HERPUD2: variants seen among roughly 807,000 people sequenced by gnomAD.
HERPUD2 encodes homocysteine-responsive endoplasmic reticulum-resident ubiquitin-like domain member 2 protein.
Under a neutral mutation model 49.9 loss-of-function variants are expected in HERPUD2, and 13 were observed. The ratio of observed to expected loss-of-function variants is 0.26; its 90% CI spans 0.17 to 0.41. The LOEUF is 0.41. Among genes scored for constraint, HERPUD2 ranks in the 10% least tolerant of loss-of-function variants. The probability of loss-of-function intolerance (pLI) is 1.00; values close to 1 mark genes in which losing one functional copy is unlikely to be tolerated. For missense variants in HERPUD2, 449 were observed against 492.2 expected, an observed-to-expected ratio of 0.91 and a Z score of 0.83; for synonymous variants, 172 against 171.4, an observed-to-expected ratio of 1.00 and a Z score of -0.03.
At chr7:35,638,801 T>C (rs573947719) in intron 5 of HERPUD2, among the ~76,000 whole-genome samples, 1 of 152,144 alleles carries the variant, frequency 6.6e-6, no homozygotes, top group South Asian at 2.1e-4. Context: ...TTTAAGTACA[T>C]TTTCCTTAAG....
intron 3 of HERPUD2, among the ~76,000 whole-genome samples, chr7:35,671,899 A>C (rs1197870064): frequency 6.6e-6 from 1 of 152,004 alleles, no homozygotes; most frequent in East Asian, 1.9e-4. Flanking sequence ...GATGGCAGAA[A>C]GGACTATACC....
chr7:35,676,859 G>T (rs1785771252), intron 2 of HERPUD2, among the ~76,000 whole-genome samples: 2 of 152,044 alleles, frequency 1.3e-5, no homozygotes. Flanking sequence ...ACAATAACAA[G>T]ATTGTTACTA....
At chr7:35,655,363 G>A (rs1043893549) in intron 5 of HERPUD2, among the ~76,000 whole-genome samples, 2 of 152,280 alleles carry the variant, frequency 1.3e-5, no homozygotes, top group South Asian at 2.1e-4. Context: ...ACATCAAAAA[G>A]AGAATACATC....
chr7:35,643,566 A>AT (rs1483937929), intron 5 of HERPUD2, among the ~76,000 whole-genome samples: 3 of 152,236 alleles, frequency 2.0e-5, no homozygotes, highest in African/African-American at 7.2e-5. Context: ...TAACATTTGT[A>AT]TAAGAATGAG....
rs181840815 is a variant in HERPUD2, at chr7:35,663,885, C to T, written c.494+3549G>A. On this transcript the variant is annotated intron_variant, in intron 5 of 8. Transcript: ENST00000311350. ...GTGTCTTTTAATTGGAGCATTTAGC[C>T]CATTTACATTTAAGGTTAATATTAT... Among the ~76,000 whole-genome samples the T allele has an allele frequency of 4.7e-3, 710 of 152,186 alleles. 3 individuals are homozygous for T. Among genetic ancestry groups the T allele is most frequent in the African/African-American group, 0.017 (691 of 41,498 alleles).
Position 35,667,675 on chromosome 7 carries a change from A to G in HERPUD2, c.340-87T>C, listed in dbSNP as rs1045550245. 5.1e-6 allele frequency: 5 copies of G among 980,732 alleles called. No homozygotes were observed. In the African/African-American group the frequency reaches 8.2e-5, roughly 16 times the overall value. 60.8% of individuals were successfully genotyped at this position (980,732 alleles called of 1,614,324 possible). On this transcript the variant is annotated intron_variant, in intron 4 of 8. Transcript: ENST00000311350. ...GCACATTACTAAAAACGTATTCATG[A>G]AATCCCTCTGCAAAATAACATTTCA... is the stretch of plus-strand genomic sequence containing the variant.
At chr7:35,687,316 T>C (rs1250738362) in intron 2 of HERPUD2, among the ~76,000 whole-genome samples, 3 of 152,156 alleles carry the variant, frequency 2.0e-5, no homozygotes, top group African/African-American at 7.2e-5. Context: ...ATAAATATAA[T>C]TGGCCTCTCC....
At chr7:35,677,972 G>T (rs1404184450) in intron 2 of HERPUD2, among the ~76,000 whole-genome samples, 3 of 152,122 alleles carry the variant, frequency 2.0e-5, no homozygotes, top group African/African-American at 4.8e-5. Flanking sequence ...ATCTCACATG[G>T]CTTAATTTTC....
intron 5 of HERPUD2, among the ~76,000 whole-genome samples, chr7:35,642,150 A>T (rs1188451209): frequency 1.3e-5 from 2 of 152,256 alleles, no homozygotes; most frequent in Non-Finnish European, 2.9e-5. Flanking sequence ...TGGGCAAAGG[A>T]CATGAACACA....
chr7:35,692,337 G>A (rs570595739), intron 2 of HERPUD2, among the ~76,000 whole-genome samples: 1 of 152,142 alleles, frequency 6.6e-6, no homozygotes, highest in African/African-American at 2.4e-5. Context: ...TTAGAAAAAA[G>A]TCTATAAACT....
At chr7:35,674,463 A>AGG in intron 2 of HERPUD2, among the ~76,000 whole-genome samples, 1 of 123,010 alleles carries the variant, frequency 8.1e-6, no homozygotes, top group African/African-American at 3.1e-5. Context: ...AGAGAGAGAG[A>AGG]GGAGCACTGT....
At chr7:35,668,747 G>C (rs1260538343) in intron 4 of HERPUD2, among the ~76,000 whole-genome samples, 10 of 151,998 alleles carry the variant, frequency 6.6e-5, no homozygotes, top group African/African-American at 2.2e-4. Flanking sequence ...ACATAAACTG[G>C]GAAAGGTTTC....
chr7:35,640,895 C>A (rs982124025), intron 5 of HERPUD2, among the ~76,000 whole-genome samples: 2 of 152,050 alleles, frequency 1.3e-5, no homozygotes, highest in Non-Finnish European at 2.9e-5. Flanking sequence ...TCATCTCATT[C>A]TGTATATTCA....
chr7:35,693,388 CAT>C (rs1786235298), intron 2 of HERPUD2, among the ~76,000 whole-genome samples: 1 of 152,032 alleles, frequency 6.6e-6, no homozygotes, highest in Non-Finnish European at 1.5e-5. Context: ...GTCCTTGAAA[CAT>C]ATATAGTAAC....
intron 2 of HERPUD2, among the ~76,000 whole-genome samples, chr7:35,686,730 A>AAAC (rs1554317982): frequency 7.8e-5 from 8 of 102,278 alleles, no homozygotes; most frequent in Non-Finnish European, 1.5e-4. Flanking sequence ...AAAAAAAAAA[A>AAAC]AAAAAAAAAA....
intron 2 of HERPUD2, 145 bp from the exon 3 acceptor site, chr7:35,673,423 T>G: frequency 3.3e-6 from 2 of 607,772 alleles, no homozygotes; most frequent in Non-Finnish European, 5.7e-6. Context: ...AATTTTTGTT[T>G]TTCCAAATTC....
At chr7:35,686,814 G>C (rs976085090) in intron 2 of HERPUD2, among the ~76,000 whole-genome samples, 9 of 20,328 alleles carry the variant, frequency 4.4e-4, no homozygotes, top group East Asian at 2.2e-3. Context: ...AGGCTGGGGG[G>C]GGGGGGGTGG....
intron 5 of HERPUD2, among the ~76,000 whole-genome samples, chr7:35,653,045 T>A (rs544808130): frequency 2.6e-5 from 4 of 152,066 alleles, no homozygotes; most frequent in Middle Eastern, 3.4e-3. Flanking sequence ...AAACCAGAAA[T>A]CAATTACTAA....
chr7:35,666,396 A>G (rs1188211329), intron 5 of HERPUD2, among the ~76,000 whole-genome samples: 2 of 152,218 alleles, frequency 1.3e-5, no homozygotes, highest in African/African-American at 4.8e-5. Context: ...TAAAGTTCTA[A>G]GTAAAAAGTA....
Sources: allele counts gnomAD v4.1 joint callset (sites outside exome capture counted in the v4.1 genomes callset), GRCh38; gene constraint gnomAD v4.1.1; transcripts MANE v1.5; gene names NCBI Gene and HGNC (gene_info 2026-07-23, HGNC 2026-07-21).